KCNAB1: variants seen among roughly 807,000 people sequenced by gnomAD.
The protein encoded by KCNAB1 is potassium voltage-gated channel subfamily A regulatory beta subunit 1.
A neutral mutation model predicts 64.6 loss-of-function variants in KCNAB1; 35 were observed. That is an observed-to-expected ratio of 0.54 (90% CI 0.41 to 0.72). The LOEUF (loss-of-function observed/expected upper bound fraction) is 0.72, where lower values mean the gene tolerates loss of function less well. Among genes scored for constraint, KCNAB1 ranks in the 30% least tolerant of loss-of-function variants. KCNAB1 has a pLI of 0.00. For missense variants in KCNAB1, 401 were observed against 512.9 expected (o/e 0.78, Z 2.11); for synonymous variants, 177 against 183.8 (o/e 0.96, Z 0.30).
chr3:156,140,148 T>C (rs1390726407), intron 1 of KCNAB1, among the ~76,000 whole-genome samples: 1 of 152,222 alleles, frequency 6.6e-6, no homozygotes. Context: ...GAGTTAAGAC[T>C]CTGATCCCAA....
intron 3 of KCNAB1, among the ~76,000 whole-genome samples, chr3:156,453,427 T>C (rs1286364290): frequency 6.6e-6 from 1 of 152,180 alleles, no homozygotes; most frequent in Non-Finnish European, 1.5e-5. Flanking sequence ...GTCCATCCTA[T>C]ATAAAATGAG....
At chr3:156,319,844 T>C (rs150557204) in intron 1 of KCNAB1, among the ~76,000 whole-genome samples, 164 of 152,328 alleles carry the variant, frequency 1.1e-3, no homozygotes, top group Non-Finnish European at 1.6e-3. Context: ...CTTAACCAGA[T>C]GGAAGGAAAC....
chr3:156,493,456 T>C (rs911119210), intron 8 of KCNAB1, among the ~76,000 whole-genome samples: 2 of 152,142 alleles, frequency 1.3e-5, no homozygotes, highest in African/African-American at 2.4e-5. Flanking sequence ...TCCACTGATA[T>C]AATTTCAGAC....
chr3:156,394,557 T>C (rs574377817), intron 1 of KCNAB1, among the ~76,000 whole-genome samples: 2 of 151,872 alleles, frequency 1.3e-5, no homozygotes, highest in East Asian at 1.9e-4. Flanking sequence ...CCCATCACAA[T>C]TGAACATAGT....
intron 1 of KCNAB1, among the ~76,000 whole-genome samples, chr3:156,270,195 C>T (rs572961945): frequency 1.2e-4 from 18 of 152,244 alleles, no homozygotes; most frequent in Non-Finnish European, 2.1e-4. Flanking sequence ...GGATTACAGG[C>T]GTGAGCCACT....
At chr3:156,348,353 T>A (rs1724628099) in intron 1 of KCNAB1, among the ~76,000 whole-genome samples, 1 of 152,196 alleles carries the variant, frequency 6.6e-6, no homozygotes, top group South Asian at 2.1e-4. Flanking sequence ...ATTAAGGCAG[T>A]AGACACTAGT....
At chr3:156,223,684 G>A (rs538162579) in intron 1 of KCNAB1, among the ~76,000 whole-genome samples, 5 of 151,444 alleles carry the variant, frequency 3.3e-5, no homozygotes, top group South Asian at 2.1e-4. Context: ...GACACAGAGC[G>A]CTGATTGGTG....
intron 1 of KCNAB1, among the ~76,000 whole-genome samples, chr3:156,296,810 A>G (rs534692787): frequency 6.6e-6 from 1 of 152,300 alleles, no homozygotes; most frequent in East Asian, 1.9e-4. Flanking sequence ...TACCATTAAA[A>G]TTGTTTTTGA....
At position 156,415,679 on chromosome 3, in the gene KCNAB1, C is replaced by G. The variant is rs146321505; in HGVS notation, c.276-5937C>G. On this transcript the variant is annotated intron_variant, in intron 1 of 13. Coordinates refer to ENST00000490337, the MANE Select transcript of KCNAB1 (RefSeq NM_172160.3). ...ACACTTTCCTGATCTCCATGTACAC[C>G]TTTGCCGCCCCTTCTCAATTTTCTT... 3.2e-4 allele frequency among the ~76,000 whole-genome samples: 48 copies of G among 152,298 alleles called. 1 individual carries two copies. The East Asian group carries it at 8.1e-3, about 26-fold the overall frequency.
intron 1 of KCNAB1, among the ~76,000 whole-genome samples, chr3:156,238,708 T>C (rs1262667686): frequency 6.6e-6 from 1 of 152,178 alleles, no homozygotes; most frequent in Non-Finnish European, 1.5e-5. Flanking sequence ...TAGAATAACA[T>C]GAGTAATTTT....
intron 1 of KCNAB1, among the ~76,000 whole-genome samples, chr3:156,275,320 A>G (rs1214811662): frequency 6.6e-6 from 1 of 152,242 alleles, no homozygotes; most frequent in African/African-American, 2.4e-5. Flanking sequence ...GTGCTAATGA[A>G]TATCTGAGCA....
intron 2 of KCNAB1, among the ~76,000 whole-genome samples, chr3:156,434,768 G>A (rs1716473428): frequency 6.6e-6 from 1 of 152,116 alleles, no homozygotes; most frequent in African/African-American, 2.4e-5. Flanking sequence ...AGTAATGAGA[G>A]GTGATAACTA....
intron 1 of KCNAB1, among the ~76,000 whole-genome samples, chr3:156,314,586 C>A (rs553792191): frequency 6.6e-6 from 1 of 152,318 alleles, no homozygotes; most frequent in South Asian, 2.1e-4. Flanking sequence ...TGGCCCTGAG[C>A]CAAGATCTTT....
At chr3:156,512,666 A>G (rs1463777092) in intron 8 of KCNAB1, among the ~76,000 whole-genome samples, 1 of 152,252 alleles carries the variant, frequency 6.6e-6, no homozygotes, top group Non-Finnish European at 1.5e-5. Flanking sequence ...ACTGTTTATC[A>G]TAGGCACGCA....
At chr3:156,430,630 A>G (rs1352883003) in intron 2 of KCNAB1, among the ~76,000 whole-genome samples, 1 of 152,124 alleles carries the variant, frequency 6.6e-6, no homozygotes, top group African/African-American at 2.4e-5. Flanking sequence ...GTCTTGTTCA[A>G]GGCCAGTGTT....
chr3:156,342,219 C>T (rs571584087), intron 1 of KCNAB1, among the ~76,000 whole-genome samples: 7 of 152,202 alleles, frequency 4.6e-5, no homozygotes, highest in African/African-American at 1.7e-4. Flanking sequence ...TCTACGCCAC[C>T]TCAACCACAG....
intron 1 of KCNAB1, among the ~76,000 whole-genome samples, chr3:156,173,104 G>T (rs1163265279): frequency 6.6e-6 from 1 of 152,228 alleles, no homozygotes; most frequent in Non-Finnish European, 1.5e-5. Context: ...CCTGGAAGAA[G>T]ATCTGAATGT....
At chr3:156,264,516 A>T (rs1427399256) in intron 1 of KCNAB1, among the ~76,000 whole-genome samples, 3 of 151,930 alleles carry the variant, frequency 2.0e-5, no homozygotes, top group African/African-American at 7.2e-5. Context: ...GTTCATTTTT[A>T]AAAATATTTC....
intron 1 of KCNAB1, among the ~76,000 whole-genome samples, chr3:156,383,083 G>A (rs974958111): frequency 6.6e-6 from 1 of 152,192 alleles, no homozygotes; most frequent in African/African-American, 2.4e-5. Flanking sequence ...CTGGCCATCC[G>A]ATGGGAAAAG....
Sources: gnomAD v4.1 joint callset for allele counts (sites outside exome capture counted in the v4.1 genomes callset) on GRCh38, gnomAD v4.1.1 for gene constraint, MANE v1.5 for transcripts, NCBI Gene and HGNC (gene_info 2026-07-23, HGNC 2026-07-21) for gene names.